The following ZNF71 variants were observed in gnomAD, a reference collection of about 807,000 sequenced individuals.
ZNF71 encodes the protein endothelial zinc finger protein induced by tumor necrosis factor alpha.
Under a neutral mutation model 6.7 loss-of-function variants are expected in ZNF71, and 3 were observed. The observed-to-expected ratio is 0.45, with a 90% CI of 0.20 to 1.16. The LOEUF is 1.16. ZNF71 is among the 50% of genes most tolerant of loss of function. The probability of loss-of-function intolerance (pLI) is 0.25; values close to 1 mark genes in which losing one functional copy is unlikely to be tolerated. For synonymous variants in ZNF71, 343 were observed against 311.1 expected (o/e 1.10, Z -1.08); for missense variants, 688 against 728.6 (o/e 0.94, Z 0.64).
rs1568510243 is a variant in ZNF71 at position 56,622,316 on chromosome 19, G to A, written c.1209G>A (p.Gln403=). The A allele has an allele frequency of 5.0e-6, 8 of 1,612,752 alleles. No individual in the cohort carries two copies. The highest frequency in any genetic ancestry group is 5.1e-6 in the Non-Finnish European group (6 of 1,179,354). Reference sequence around the variant, plus strand: ...TCAGCCAGAGCTCCTACCTCATCCAGCACCAGCGCTTCCACATCGGCGTGA... The same window carrying A: ...TCAGCCAGAGCTCCTACCTCATCCAACACCAGCGCTTCCACATCGGCGTGA... The part of the protein sequence containing the change: ...KAFSQSSYLI[Q]HQRFHIGVKP... Residue 403 remains glutamine, a synonymous_variant, in exon 4 of 4, where the codon CAG becomes CAA. Coordinates refer to ENST00000599599, the MANE Select transcript of ZNF71 (RefSeq NM_001370215.1).
intron 3 of ZNF71, among the ~76,000 whole-genome samples, chr19:56,614,837 A>G (rs1009313661): frequency 1.3e-5 from 2 of 152,196 alleles, no homozygotes; most frequent in African/African-American, 4.8e-5. Flanking sequence ...GGACATATCT[A>G]TCATCCCCAA....
At chr19:56,617,063 A>T (rs1218522511) in intron 3 of ZNF71, among the ~76,000 whole-genome samples, 3 of 151,900 alleles carry the variant, frequency 2.0e-5, no homozygotes, top group Admixed American at 6.6e-5. Context: ...ATATAAACCA[A>T]ACTGTTAACT....
At position 56,613,957 on chromosome 19, in the gene ZNF71, G is replaced by T. The variant is rs982777913; in HGVS notation, c.160+19G>T. The T allele has an allele frequency of 4.7e-6, 5 of 1,066,716 alleles. No individual in the cohort carries two copies. The African/African-American group carries it at 8.5e-5, about 18-fold the overall frequency. The allele number at this position is 1,066,716 out of a possible 1,614,324, so 66.1% of individuals were successfully genotyped here. A position where few individuals can be genotyped will look rare whatever the true frequency, so the allele number is the denominator to read the frequency against. ...TCACTGGGTAAGGGGCAGCTTCGTT[G>T]AGTTACTCATCATTGGCCCATAACT... On this transcript the variant is annotated intron_variant, in intron 3 of 3. Coordinates refer to ENST00000599599, the MANE Select transcript of ZNF71 (RefSeq NM_001370215.1). This position sits in a 1 kb window ranked among gnomAD's most constrained non-coding sequence, Gnocchi z 4.6.
rs747085005 is a variant in ZNF71 at position 56,621,535 on chromosome 19, A to G, written c.428A>G (p.Asn143Ser). ...TGTCATGAACTGAAGGCATTTGCCA[A>G]CCAAGGCTGTGTCCTGGTCCCACCA... ...PACHELKAFA[N>S]QGCVLVPPRL... is the part of the protein sequence containing the mutation. Residue 143 changes from asparagine (N) to serine (S), a missense_variant, in exon 4 of 4, where the codon AAC becomes AGC. Asn to Ser is a conservative substitution (Grantham distance 46). Transcript: ENST00000599599. 12 of 1,614,088 alleles carry G rather than the reference A, an allele frequency of 7.4e-6. No homozygotes were observed. In the East Asian group the frequency reaches 1.6e-4, roughly 21 times the overall value.
chr19:56,604,718 G>C (rs1307779254), intron 2 of ZNF71, among the ~76,000 whole-genome samples: 1 of 152,154 alleles, frequency 6.6e-6, no homozygotes, highest in Non-Finnish European at 1.5e-5. Context: ...TATCAAAGGT[G>C]ACCCCTCAGG....
At position 56,618,673 on chromosome 19, in the gene ZNF71, G is replaced by T. The variant is rs2044817354; in HGVS notation, c.161-2595G>T. ...TGAAGGATAAGGACGTCCACGGCAG[G>T]TCCACAGGACAGTGGATGCAGAGGC... On this transcript the variant is annotated intron_variant, in intron 3 of 3. Transcript: ENST00000599599. This position sits in a 1 kb window ranked among gnomAD's most constrained non-coding sequence, Gnocchi z 4.6. Among the ~76,000 whole-genome samples the T allele has an allele frequency of 6.7e-6, 1 of 148,858 alleles. No homozygotes were observed. Among genetic ancestry groups the T allele is most frequent in the South Asian group, 2.2e-4 (1 of 4,618 alleles).
chr19:56,609,743 G>A (rs2044736582), intron 2 of ZNF71, among the ~76,000 whole-genome samples: 1 of 149,448 alleles, frequency 6.7e-6, no homozygotes, highest in Non-Finnish European at 1.5e-5. Flanking sequence ...GATTTTGCCT[G>A]TCCCGGACGT....
In ZNF71 at chr19:56,622,391, G is replaced by T. The variant is rs909072518; in HGVS notation, c.1284G>T (p.Ser428=). 1.2e-6 allele frequency: 2 copies of T among 1,605,106 alleles called. No homozygotes were observed. Among genetic ancestry groups the T allele is most frequent in the African/African-American group, 1.4e-5 (1 of 71,950 alleles). ...GCAAGGCCTTCAGCAAGAACTCCTC[G>T]CTCACGCAGCACCAGCGCATCCACA... ...ECGKAFSKNS[S]LTQHQRIHTG... The change falls in exon 4 of 4, where the codon TCG becomes TCT. Residue 428 remains serine (S), a synonymous_variant. Transcript: ENST00000599599.
At chr19:56,612,465 T>G (rs1025637678) in intron 2 of ZNF71, among the ~76,000 whole-genome samples, 5 of 152,174 alleles carry the variant, frequency 3.3e-5, no homozygotes, top group Non-Finnish European at 7.3e-5. Context: ...TGAAATAATG[T>G]CTTTTACAGC....
At chr19:56,616,755 C>T (rs909105400) in intron 3 of ZNF71, among the ~76,000 whole-genome samples, 5 of 152,184 alleles carry the variant, frequency 3.3e-5, no homozygotes, top group Non-Finnish European at 7.3e-5. Flanking sequence ...TCTCTCAGCT[C>T]TGTCTCCTCA....
rs1489822323 is a variant in ZNF71, at chr19:56,598,288, C to T, written c.-53+2860C>T. On this transcript the variant is annotated intron_variant, in intron 1 of 3. Coordinates refer to ENST00000599599, the MANE Select transcript of ZNF71 (RefSeq NM_001370215.1). This position sits in a 1 kb window ranked among gnomAD's most constrained non-coding sequence, Gnocchi z 4.2. ...TTCCCTCCAGAGGGAACAGCAGATG[C>T]AGAGGCCAGGAGGCCTGGGGCCAAG... Among the ~76,000 whole-genome samples the T allele has an allele frequency of 6.6e-6, 1 of 151,904 alleles. No individual in the cohort carries two copies. The highest frequency in any genetic ancestry group is 2.4e-5 in the African/African-American group (1 of 41,358).
Position 56,622,403 on chromosome 19 carries a change from C to A in ZNF71, c.1296C>A (p.His432Gln). The A allele has an allele frequency of 6.2e-7, 1 of 1,614,140 alleles. No homozygotes were observed. Among genetic ancestry groups the A allele is most frequent in the South Asian group, 1.1e-5 (1 of 91,078 alleles). The change falls in exon 4 of 4, where the codon CAC becomes CAA. Residue 432 changes from histidine (H) to glutamine (Q), a missense_variant. His to Gln is a conservative substitution (Grantham distance 24). Coordinates refer to ENST00000599599, the MANE Select transcript of ZNF71 (RefSeq NM_001370215.1). ...AFSKNSSLTQ[H>Q]QRIHTGEKPY... ...GCAAGAACTCCTCGCTCACGCAGCA[C>A]CAGCGCATCCACACCGGCGAGAAGC...
intron 3 of ZNF71, among the ~76,000 whole-genome samples, chr19:56,617,915 C>T (rs1264740048): frequency 6.6e-6 from 1 of 152,074 alleles, no homozygotes; most frequent in Non-Finnish European, 1.5e-5. Flanking sequence ...ACCAAGACTC[C>T]TGGTCCTCTC....
chr19:56,597,047 C>T (rs2044631388), intron 1 of ZNF71, among the ~76,000 whole-genome samples: 1 of 152,176 alleles, frequency 6.6e-6, no homozygotes, highest in East Asian at 1.9e-4. Context: ...GGGCCCCTTG[C>T]TCCATTGTTT....
At position 56,605,880 on chromosome 19, in the gene ZNF71, C is replaced by T. The variant is rs539553341; in HGVS notation, c.33+4289C>T. ...TGATCCAAACTAAACTGCTCCTTGGCTGTGATGCCAGCTAGATTGGTATTA... is the reference window on the plus strand; with the variant it reads ...TGATCCAAACTAAACTGCTCCTTGGTTGTGATGCCAGCTAGATTGGTATTA... On this transcript the variant is annotated intron_variant, in intron 2 of 3. Coordinates refer to ENST00000599599, the MANE Select transcript of ZNF71 (RefSeq NM_001370215.1). Among the ~76,000 whole-genome samples the T allele has an allele frequency of 3.5e-4, 53 of 152,332 alleles. 1 individual carries two copies. The South Asian group carries it at 0.011, about 31-fold the overall frequency.
At chr19:56,602,949 A>G (rs943742054) in intron 2 of ZNF71, among the ~76,000 whole-genome samples, 2 of 152,068 alleles carry the variant, frequency 1.3e-5, no homozygotes, top group Non-Finnish European at 2.9e-5. Flanking sequence ...CCTTTTCACC[A>G]TTTGTCATTT....
chr19:56,617,112 G>GTTTTTTTTTTTTTT (rs748784485), intron 3 of ZNF71, among the ~76,000 whole-genome samples: 39 of 140,678 alleles, frequency 2.8e-4, no homozygotes, highest in Non-Finnish European at 3.3e-4. Context: ...ATTTTCTTTT[G>GTTTTTTTTTTTTTT]TTTTTTTTTG....
At chr19:56,599,793 A>T (rs557461970) in intron 1 of ZNF71, among the ~76,000 whole-genome samples, 4 of 148,516 alleles carry the variant, frequency 2.7e-5, no homozygotes, top group African/African-American at 1.0e-4. Flanking sequence ...TCCTGGGTTC[A>T]TGCCATTCTC....
At chr19:56,606,961 C>A (rs2044714497) in intron 2 of ZNF71, among the ~76,000 whole-genome samples, 1 of 152,122 alleles carries the variant, frequency 6.6e-6, no homozygotes, top group Non-Finnish European at 1.5e-5. Context: ...CCATTTTCAA[C>A]AAGTCTACCC....
Sources: allele counts gnomAD v4.1 joint callset (sites outside exome capture counted in the v4.1 genomes callset), GRCh38; gene constraint gnomAD v4.1.1; non-coding constraint Gnocchi (gnomAD v3.1); transcripts MANE v1.5; gene names NCBI Gene and HGNC (gene_info 2026-07-23, HGNC 2026-07-21).